AKAP13: variants seen among roughly 807,000 people sequenced by gnomAD.
AKAP13 encodes the protein A-kinase anchoring protein 13.
Under a neutral mutation model 264.5 loss-of-function variants are expected in AKAP13, and 80 were observed. The observed-to-expected ratio is 0.30, with a 90% CI of 0.25 to 0.36. The LOEUF is 0.36. AKAP13 is among the 10% of genes least tolerant of loss of function. The pLI, the probability that AKAP13 is intolerant of heterozygous loss-of-function variation, is 1.00. For missense variants in AKAP13, 3,712 were observed against 3,435.2 expected, an observed-to-expected ratio of 1.08 and a Z score of -2.01; for synonymous variants, 1,380 against 1,250.2, an observed-to-expected ratio of 1.10 and a Z score of -2.19.
intron 4 of AKAP13, among the ~76,000 whole-genome samples, chr15:85,541,357 A>G (rs2077575804): frequency 6.6e-6 from 1 of 152,242 alleles, no homozygotes; most frequent in African/African-American, 2.4e-5. Flanking sequence ...TAAGGCAAAT[A>G]TAGAAAAACA....
At chr15:85,383,764 G>C (rs1440179683) in intron 1 of AKAP13, among the ~76,000 whole-genome samples, 1 of 152,170 alleles carries the variant, frequency 6.6e-6, no homozygotes, top group Admixed American at 6.5e-5. Flanking sequence ...GAGATGGATT[G>C]TTTTCAGTAC....
At chr15:85,722,872 C>A (rs1301225758) in intron 25 of AKAP13, among the ~76,000 whole-genome samples, 200 bp from the exon 26 acceptor site, 1 of 151,946 alleles carries the variant, frequency 6.6e-6, no homozygotes, top group Non-Finnish European at 1.5e-5. Flanking sequence ...TTATTTATAT[C>A]ATTGAAAACT....
Position 85,687,966 on chromosome 15 carries a change from G to A in AKAP13, c.5289+3093G>A, listed in dbSNP as rs2085041382. Among the ~76,000 whole-genome samples, 2 of 151,142 alleles carry A rather than the reference G, an allele frequency of 1.3e-5. 1 individual carries two copies. Among genetic ancestry groups the A allele is most frequent in the Admixed American group, 1.3e-4 (2 of 15,150 alleles). ...GAGGCAAGAGGATCACTTGAGCCGA[G>A]GAGTTCAAGGCTGCAGTACGCTGTG... On this transcript the variant is annotated intron_variant, in intron 16 of 36. Transcript: ENST00000394518.
intron 8 of AKAP13, among the ~76,000 whole-genome samples, chr15:85,622,571 C>T (rs928821578): frequency 9.9e-5 from 15 of 152,116 alleles, no homozygotes; most frequent in African/African-American, 2.9e-4. Context: ...TGGTAGTAAT[C>T]GGTTAGCCTG....
Position 85,708,970 on chromosome 15 carries a change from A to T in AKAP13, c.5532+884A>T, listed in dbSNP as rs982672759. The stretch of plus-strand genomic sequence containing the variant: ...TGCATTTCTAGTAAGTTCCCAGATG[A>T]TGCTGATAGTCCGAGGACCTTACTT... On this transcript the variant is annotated intron_variant, in intron 18 of 36. Coordinates refer to ENST00000394518, the MANE Select transcript of AKAP13 (RefSeq NM_007200.5). The surrounding 1 kb of genome is among the most constrained non-coding windows in gnomAD (Gnocchi z 4.3). 2.6e-5 allele frequency among the ~76,000 whole-genome samples: 4 copies of T among 152,172 alleles called. No individual in the cohort carries two copies. Among genetic ancestry groups the T allele is most frequent in the Admixed American group, 6.5e-5 (1 of 15,276 alleles).
At chr15:85,476,695 C>T (rs978859312) in intron 1 of AKAP13, among the ~76,000 whole-genome samples, 1 of 152,128 alleles carries the variant, frequency 6.6e-6, no homozygotes, top group South Asian at 2.1e-4. Context: ...CTCTGAATTA[C>T]GTTAGTACTC....
rs1229445924 is a variant in AKAP13 at position 85,748,519 on chromosome 15, G to T, written c.*3842G>T. The T allele has an allele frequency of 6.6e-6, 1 of 152,250 alleles. No homozygotes were observed. Among genetic ancestry groups the T allele is most frequent in the East Asian group, 1.9e-4 (1 of 5,192 alleles). 9.4% of individuals were successfully genotyped at this position (152,250 alleles called of 1,614,324 possible). A position where few individuals can be genotyped will look rare whatever the true frequency, so the allele number is the denominator to read the frequency against. On this transcript the variant is annotated 3_prime_UTR_variant, in exon 37 of 37. Transcript: ENST00000394518. ...CCTCAGAGACAAAGAAGAGGGCAGG[G>T]AGTTTGGGCTTGGTTTTGAACTTTC...
intron 8 of AKAP13, among the ~76,000 whole-genome samples, chr15:85,626,277 A>G (rs1432201817): frequency 2.0e-5 from 3 of 152,230 alleles, no homozygotes; most frequent in Non-Finnish European, 4.4e-5. Flanking sequence ...AATTTTAACC[A>G]TTTTTAGGTA....
At chr15:85,742,917 T>C (rs1410416555) in intron 35 of AKAP13, among the ~76,000 whole-genome samples, 3 of 151,952 alleles carry the variant, frequency 2.0e-5, no homozygotes, top group Non-Finnish European at 2.9e-5. Context: ...TGTTGCTTTT[T>C]ATGACATAAG....
chr15:85,432,186 T>C (rs984169797), intron 1 of AKAP13, among the ~76,000 whole-genome samples: 1 of 152,174 alleles, frequency 6.6e-6, no homozygotes, highest in African/African-American at 2.4e-5. Context: ...TCTAACCTCA[T>C]TCCTAACTTA....
At position 85,669,759 on chromosome 15, in the gene AKAP13, G is replaced by A; in HGVS notation, c.5030G>A (p.Cys1677Tyr). ...TCTAAGCAGCAGGGATTTAATTACT[G>A]TACATCAGCCATTTCCTCTCCATTG... ...HRSKQQGFNY[C>Y]TSAISSPLTK... The change falls in exon 14 of 37, where the codon TGT (cysteine) becomes TAT (tyrosine). Residue 1677 changes from cysteine (C) to tyrosine (Y), a missense_variant. Coordinates refer to ENST00000394518, the MANE Select transcript of AKAP13 (RefSeq NM_007200.5). 2.5e-6 allele frequency: 4 copies of A among 1,613,450 alleles called. No homozygotes were observed. The South Asian group carries it at 3.3e-5, about 13-fold the overall frequency.
chr15:85,685,877 C>T (rs915654925), intron 16 of AKAP13, among the ~76,000 whole-genome samples: 2 of 152,116 alleles, frequency 1.3e-5, no homozygotes, highest in Non-Finnish European at 1.5e-5. Flanking sequence ...CCTGGAATAA[C>T]CCCGCTTAGA....
intron 17 of AKAP13, among the ~76,000 whole-genome samples, chr15:85,700,004 A>G (rs2085818213): frequency 6.6e-6 from 1 of 152,256 alleles, no homozygotes; most frequent in Non-Finnish European, 1.5e-5. Context: ...GTACCTTTCC[A>G]TGACTAGCTC....
chr15:85,739,149 C>G (rs997122058), intron 33 of AKAP13, among the ~76,000 whole-genome samples: 4 of 152,210 alleles, frequency 2.6e-5, no homozygotes, highest in Non-Finnish European at 5.9e-5. Context: ...CCAAGAAAAT[C>G]TTTGTACATA....
At chr15:85,732,853 CTAATAG>C (rs1299435854) in intron 30 of AKAP13, among the ~76,000 whole-genome samples, 1 of 151,314 alleles carries the variant, frequency 6.6e-6, no homozygotes, top group Admixed American at 6.6e-5. Flanking sequence ...GTTAGTAATA[CTAATAG>C]TATTACTAAC....
intron 8 of AKAP13, among the ~76,000 whole-genome samples, chr15:85,634,829 T>G (rs1474315061): frequency 1.4e-5 from 2 of 147,206 alleles, no homozygotes; most frequent in Non-Finnish European, 3.0e-5. Context: ...TACATAGTCT[T>G]TTGAGTCTGG....
chr15:85,657,149 A>T (rs1412564932), intron 11 of AKAP13, among the ~76,000 whole-genome samples: 1 of 72,750 alleles, frequency 1.4e-5, no homozygotes, highest in East Asian at 3.0e-4. Context: ...GTCTCAAAAT[A>T]ATAATAATAA....
chr15:85,726,830 G>A (rs548789593), intron 27 of AKAP13, among the ~76,000 whole-genome samples: 11 of 152,308 alleles, frequency 7.2e-5, no homozygotes, highest in African/African-American at 2.4e-4. Context: ...AAGATTCATC[G>A]TGTGGAAAAC....
intron 1 of AKAP13, among the ~76,000 whole-genome samples, chr15:85,417,379 C>A (rs1567046457): frequency 1.3e-5 from 2 of 152,202 alleles, no homozygotes; most frequent in Admixed American, 1.3e-4. Context: ...CTCACTGGTC[C>A]TTTTTGGTGG....
Sources: gnomAD v4.1 joint callset for allele counts (sites outside exome capture counted in the v4.1 genomes callset) on GRCh38, gnomAD v4.1.1 for gene constraint, Gnocchi (gnomAD v3.1) non-coding constraint, MANE v1.5 for transcripts, NCBI Gene and HGNC (gene_info 2026-07-23, HGNC 2026-07-21) for gene names.